Variants in NAALADL2 observed in about 807,000 individuals in gnomAD.
The protein encoded by NAALADL2 is N-acetylated alpha-linked acidic dipeptidase like 2, also known as inactive N-acetylated-alpha-linked acidic dipeptidase-like protein 2.
NAALADL2 carries 76 observed loss-of-function variants against 87.2 expected under a neutral mutation model. That is an observed-to-expected ratio of 0.87 (90% CI 0.72 to 1.05). NAALADL2 has a LOEUF of 1.05. NAALADL2 is among the 50% of genes least tolerant of loss of function. The pLI, the probability that NAALADL2 is intolerant of heterozygous loss-of-function variation, is 0.00. For missense variants in NAALADL2, 1,089 were observed against 945.8 expected (o/e 1.15, Z -1.99); for synonymous variants, 354 against 331.0 (o/e 1.07, Z -0.75).
At chr3:175,175,792 A>T (rs982197964) in intron 2 of NAALADL2, among the ~76,000 whole-genome samples, 7 of 152,140 alleles carry the variant, frequency 4.6e-5, no homozygotes, top group African/African-American at 1.4e-4. Flanking sequence ...TGTTCTGAAC[A>T]TACAGGAATT....
intron 2 of NAALADL2, among the ~76,000 whole-genome samples, chr3:174,674,598 T>C (rs1189584977): frequency 6.6e-6 from 1 of 152,048 alleles, no homozygotes; most frequent in Non-Finnish European, 1.5e-5. Context: ...TTTTAGCTTT[T>C]GGTGGAAATA....
At chr3:175,232,408 T>C (rs1413328123) in intron 2 of NAALADL2, among the ~76,000 whole-genome samples, 1 of 152,090 alleles carries the variant, frequency 6.6e-6, no homozygotes, top group East Asian at 1.9e-4. Context: ...GTGTAATGCT[T>C]TTTTACCACT....
At chr3:174,802,882 T>C (rs534412184) in intron 3 of NAALADL2, among the ~76,000 whole-genome samples, 5 of 152,324 alleles carry the variant, frequency 3.3e-5, no homozygotes, top group African/African-American at 4.8e-5. Flanking sequence ...CAGTCTATCA[T>C]TGATGGACAT....
chr3:174,471,426 G>C (rs1225719498), intron 1 of NAALADL2, among the ~76,000 whole-genome samples: 1 of 152,046 alleles, frequency 6.6e-6, no homozygotes, highest in African/African-American at 2.4e-5. Flanking sequence ...CATGGTACTA[G>C]AAACAGTTAC....
chr3:174,555,404 A>G (rs924616596), intron 2 of NAALADL2, among the ~76,000 whole-genome samples: 1 of 152,190 alleles, frequency 6.6e-6, no homozygotes, highest in East Asian at 1.9e-4. Flanking sequence ...GATTCAAGCG[A>G]TTCTCCTGCC....
chr3:175,750,973 A>C (rs949765012), intron 12 of NAALADL2, among the ~76,000 whole-genome samples: 1 of 152,208 alleles, frequency 6.6e-6, no homozygotes, highest in Non-Finnish European at 1.5e-5. Flanking sequence ...AGGGAAAAAG[A>C]ATAAATGCAA....
chr3:174,495,293 C>T (rs555114162), intron 1 of NAALADL2, among the ~76,000 whole-genome samples: 1 of 148,314 alleles, frequency 6.7e-6, no homozygotes, highest in East Asian at 2.0e-4. Context: ...AGCCTTACTG[C>T]ATTCATAAGG....
intron 1 of NAALADL2, among the ~76,000 whole-genome samples, chr3:174,913,978 T>G (rs1022590565): frequency 7.2e-5 from 11 of 152,128 alleles, no homozygotes; most frequent in African/African-American, 2.6e-4. Flanking sequence ...AAATATAATT[T>G]TATAATCTCT....
intron 13 of NAALADL2, among the ~76,000 whole-genome samples, chr3:175,764,078 T>C (rs1055302211): frequency 2.6e-5 from 4 of 151,764 alleles, no homozygotes; most frequent in African/African-American, 7.2e-5. Context: ...CCATTAGAGA[T>C]GAATTAAAGG....
intron 1 of NAALADL2, among the ~76,000 whole-genome samples, chr3:174,911,890 G>GT (rs1304809103): frequency 6.6e-6 from 1 of 152,038 alleles, no homozygotes; most frequent in East Asian, 1.9e-4. Context: ...GTTAAAATGT[G>GT]TTTTTAACTT....
chr3:175,706,433 T>C (rs1221972562), intron 11 of NAALADL2, among the ~76,000 whole-genome samples: 2 of 152,100 alleles, frequency 1.3e-5, no homozygotes, highest in East Asian at 3.9e-4. Context: ...CTAACAATAA[T>C]AAAGTAATAA....
intron 2 of NAALADL2, among the ~76,000 whole-genome samples, chr3:174,731,823 T>C (rs963975024): frequency 6.6e-6 from 1 of 152,056 alleles, no homozygotes; most frequent in African/African-American, 2.4e-5. Flanking sequence ...TGCTTAAGAG[T>C]GTGAGTAGGC....
intron 2 of NAALADL2, among the ~76,000 whole-genome samples, chr3:174,637,203 A>AT (rs1722734158): frequency 6.6e-6 from 1 of 152,140 alleles, no homozygotes; most frequent in Non-Finnish European, 1.5e-5. Flanking sequence ...ATAAGAAGAG[A>AT]TTGATTATGG....
intron 3 of NAALADL2, among the ~76,000 whole-genome samples, chr3:174,775,016 CAT>C (rs550916661): frequency 1.5e-4 from 23 of 152,064 alleles, no homozygotes; most frequent in Non-Finnish European, 2.6e-4. Context: ...AAGATGGACA[CAT>C]GTCTTCGCAC....
intron 2 of NAALADL2, among the ~76,000 whole-genome samples, chr3:174,720,001 C>A (rs1229044106): frequency 2.6e-5 from 4 of 152,042 alleles, no homozygotes; most frequent in Non-Finnish European, 5.9e-5. Flanking sequence ...GGGGTTTCAC[C>A]ATGTTGGCCA....
At chr3:174,937,299 A>G (rs1178268575) in intron 1 of NAALADL2, among the ~76,000 whole-genome samples, 1 of 152,060 alleles carries the variant, frequency 6.6e-6, no homozygotes, top group African/African-American at 2.4e-5. Context: ...AATTACAATT[A>G]GGATAACAAT....
At chr3:175,003,417 C>T (rs555197543) in intron 1 of NAALADL2, among the ~76,000 whole-genome samples, 1 of 152,220 alleles carries the variant, frequency 6.6e-6, no homozygotes, top group African/African-American at 2.4e-5. Context: ...ATGCTAGCAG[C>T]AATAAACAGA....
chr3:175,599,351 T>C (rs1722656837), intron 10 of NAALADL2, among the ~76,000 whole-genome samples: 1 of 152,096 alleles, frequency 6.6e-6, no homozygotes, highest in African/African-American at 2.4e-5. Flanking sequence ...AGCTAACATT[T>C]ATAGAGTAAT....
chr3:175,025,699 A>C (rs1489600460), intron 1 of NAALADL2, among the ~76,000 whole-genome samples: 1 of 152,178 alleles, frequency 6.6e-6, no homozygotes, highest in African/African-American at 2.4e-5. Context: ...GAAGTATTTT[A>C]ATGGGGAAAA....
Sources: allele counts gnomAD v4.1 joint callset (sites outside exome capture counted in the v4.1 genomes callset), GRCh38; gene constraint gnomAD v4.1.1; transcripts MANE v1.5; gene names NCBI Gene and HGNC (gene_info 2026-07-23, HGNC 2026-07-21).